The following INPP5A variants were observed in gnomAD, a reference collection of about 807,000 sequenced individuals.
INPP5A encodes the protein 43 kDa inositol polyphosphate 5-phophatase.
A neutral mutation model predicts 65.2 loss-of-function variants in INPP5A; 14 were observed. That is an observed-to-expected ratio of 0.21 (90% CI 0.14 to 0.34). INPP5A has a LOEUF of 0.34. Ranked by LOEUF, INPP5A falls within the 10% of genes least tolerant of loss-of-function variation. INPP5A has a pLI of 1.00. For missense variants in INPP5A, 431 were observed against 545.6 expected (o/e 0.79, Z 2.09); for synonymous variants, 207 against 208.3 (o/e 0.99, Z 0.05).
chr10:132,597,682 T>C (rs2071721582), intron 1 of INPP5A, among the ~76,000 whole-genome samples: 1 of 152,182 alleles, frequency 6.6e-6, no homozygotes, highest in African/African-American at 2.4e-5. Context: ...CAGTGTTTTG[T>C]CCTTTAGTGT....
intron 2 of INPP5A, among the ~76,000 whole-genome samples, chr10:132,620,518 T>C (rs145640840): frequency 1.3e-5 from 2 of 152,358 alleles, no homozygotes; most frequent in South Asian, 2.1e-4. Flanking sequence ...CATCACTCTT[T>C]GCTTCAAATT....
chr10:132,612,617 T>G (rs1168863214), intron 2 of INPP5A, among the ~76,000 whole-genome samples: 1 of 152,148 alleles, frequency 6.6e-6, no homozygotes, highest in East Asian at 1.9e-4. Flanking sequence ...CCGGTTCCCC[T>G]GCTGGTTTTG....
chr10:132,779,899 G>A (rs1017853093), intron 13 of INPP5A, among the ~76,000 whole-genome samples: 12 of 152,186 alleles, frequency 7.9e-5, no homozygotes, highest in African/African-American at 2.7e-4. Flanking sequence ...TGTGCCGCAC[G>A]CTGCCTGTGC....
At chr10:132,543,753 T>C (rs2133242835) in intron 1 of INPP5A, among the ~76,000 whole-genome samples, 1 of 152,286 alleles carries the variant, frequency 6.6e-6, no homozygotes, top group East Asian at 1.9e-4. Flanking sequence ...AATATTCCAT[T>C]GTGTGGATAC....
chr10:132,592,476 C>T (rs776006063), intron 1 of INPP5A, among the ~76,000 whole-genome samples: 2 of 152,166 alleles, frequency 1.3e-5, no homozygotes, highest in Non-Finnish European at 2.9e-5. Flanking sequence ...AGTGCAGTGG[C>T]ACGACCTCAG....
In INPP5A at chr10:132,782,374, C is replaced by T; in HGVS notation, c.*345C>T. ...TTAATGATTGCCAGTGGAGGGGCTT[C>T]TTCAGCACAGAGACCCCCCACTGTG... On this transcript the variant is annotated 3_prime_UTR_variant, in exon 16 of 16. Transcript: ENST00000368594. The surrounding 1 kb of genome is among the most constrained non-coding windows in gnomAD (Gnocchi z 4.4). 3.0e-6 allele frequency: 1 copy of T among 328,944 alleles called. No homozygotes were observed. The highest frequency in any genetic ancestry group is 5.9e-6 in the Non-Finnish European group (1 of 170,164). The allele number at this position is 328,944 out of a possible 1,614,324, so 20.4% of individuals were successfully genotyped here.
Position 132,706,038 on chromosome 10 carries a change from A to G in INPP5A, c.475-2275A>G, listed in dbSNP as rs1297300013. 2.0e-5 allele frequency among the ~76,000 whole-genome samples: 3 copies of G among 152,272 alleles called. No individual in the cohort carries two copies. The highest frequency in any genetic ancestry group is 4.4e-5 in the Non-Finnish European group (3 of 68,048). On this transcript the variant is annotated intron_variant, in intron 6 of 15. Coordinates refer to ENST00000368594, the MANE Select transcript of INPP5A (RefSeq NM_005539.5). This position sits in a 1 kb window ranked among gnomAD's most constrained non-coding sequence, Gnocchi z 4.7. ...AAAATGTTATTCAACTAAAACAGAA[A>G]TAAAACAAGAAAAGGGAATATGAAG...
rs1448911167 is a variant in INPP5A, at chr10:132,705,186, A to G, written c.475-3127A>G. Among the ~76,000 whole-genome samples, 1 of 152,168 alleles carries G rather than the reference A, an allele frequency of 6.6e-6. No homozygotes were observed. The highest frequency in any genetic ancestry group is 1.5e-5 in the Non-Finnish European group (1 of 68,010). ...CTCAGCTTCCCACTGATGTGTTTCC[A>G]TTGCAGACACAGTTACCGACAGGAA... is the stretch of plus-strand genomic sequence containing the variant. On this transcript the variant is annotated intron_variant, in intron 6 of 15. Coordinates refer to ENST00000368594, the MANE Select transcript of INPP5A (RefSeq NM_005539.5). The surrounding 1 kb of genome is among the most constrained non-coding windows in gnomAD (Gnocchi z 4.9).
At chr10:132,774,816 GGA>G (rs1170330484) in intron 12 of INPP5A, among the ~76,000 whole-genome samples, 4 of 141,880 alleles carry the variant, frequency 2.8e-5, no homozygotes, top group Non-Finnish European at 6.2e-5. Flanking sequence ...GGGGCAGGGA[GGA>G]GAGAGGGGCA....
intron 4 of INPP5A, among the ~76,000 whole-genome samples, chr10:132,670,551 T>C (rs2072876255): frequency 6.7e-6 from 1 of 149,858 alleles, no homozygotes; most frequent in Non-Finnish European, 1.5e-5. Flanking sequence ...GAGGACACTG[T>C]CAGCCCCTCC....
Position 132,689,075 on chromosome 10 carries a change from T to G in INPP5A, c.307-1317T>G, listed in dbSNP as rs1265617607. Among the ~76,000 whole-genome samples the G allele has an allele frequency of 2.6e-5, 4 of 152,250 alleles. No individual in the cohort carries two copies. The East Asian group carries it at 7.7e-4, about 29-fold the overall frequency. On this transcript the variant is annotated intron_variant, in intron 4 of 15. Transcript: ENST00000368594. ...TGTGGTGTGCATGTGTGTACATGAA[T>G]GTGCAAGAGTGTACAAGTGAAGCCT... is the stretch of plus-strand genomic sequence containing the variant.
intron 4 of INPP5A, among the ~76,000 whole-genome samples, chr10:132,680,238 C>T (rs1277814688): frequency 6.6e-6 from 1 of 152,152 alleles, no homozygotes; most frequent in Non-Finnish European, 1.5e-5. Flanking sequence ...ATATAGAGAA[C>T]TCCGAAAACT....
At chr10:132,596,953 ACACATGTG>A (rs2071707304) in intron 1 of INPP5A, among the ~76,000 whole-genome samples, 1 of 118,276 alleles carries the variant, frequency 8.5e-6, no homozygotes. Flanking sequence ...GCGTGTGTGC[ACACATGTG>A]TGCGTGTGTG....
rs1845544569 is a variant in INPP5A, at chr10:132,706,862, G to A, written c.475-1451G>A. On this transcript the variant is annotated intron_variant, in intron 6 of 15. Coordinates refer to ENST00000368594, the MANE Select transcript of INPP5A (RefSeq NM_005539.5). This position sits in a 1 kb window ranked among gnomAD's most constrained non-coding sequence, Gnocchi z 4.7. ...AGGAGACAGGGCTGCAGGAGCCACT[G>A]TGCTGCCAGGTGCCGCCAACAGGCC... Among the ~76,000 whole-genome samples the A allele has an allele frequency of 6.6e-6, 1 of 152,210 alleles. No homozygotes were observed. The highest frequency in any genetic ancestry group is 2.1e-4 in the South Asian group (1 of 4,830).
chr10:132,650,607 C>A lies in INPP5A; in HGVS notation c.306+102C>A. On this transcript the variant is annotated intron_variant, in intron 4 of 15. Transcript: ENST00000368594. This position sits in a 1 kb window ranked among gnomAD's most constrained non-coding sequence, Gnocchi z 5.5. ...TGGAGAGAGGTCGGGGTGCTCCCTG[C>A]CTGAAGCCTCACTCACGCTGCCCTG... 1.2e-6 allele frequency: 1 copy of A among 813,592 alleles called. No homozygotes were observed. Among genetic ancestry groups the A allele is most frequent in the Non-Finnish European group, 2.1e-6 (1 of 481,836 alleles). 50.4% of individuals were successfully genotyped at this position (813,592 alleles called of 1,614,324 possible). A position where few individuals can be genotyped will look rare whatever the true frequency, so the allele number is the denominator to read the frequency against.
rs1274749891 is a variant in INPP5A at position 132,651,996 on chromosome 10, ATGTAGCTCCTCC to A, written c.306+1495_306+1506del. 6.6e-6 allele frequency among the ~76,000 whole-genome samples: 1 copy of A among 151,984 alleles called. No individual in the cohort carries two copies. The highest frequency in any genetic ancestry group is 2.4e-5 in the African/African-American group (1 of 41,352). On this transcript the variant is annotated intron_variant, in intron 4 of 15. Coordinates refer to ENST00000368594, the MANE Select transcript of INPP5A (RefSeq NM_005539.5). This position sits in a 1 kb window ranked among gnomAD's most constrained non-coding sequence, Gnocchi z 5.0. Reference sequence around the variant, plus strand: ...CAAGGCCCTCACCCCTGTGCTCAGGATGTAGCTCCTCCTGTCAGCCTTCCTCCCTCTCCCCCT... The same window carrying A: ...CAAGGCCCTCACCCCTGTGCTCAGGATGTCAGCCTTCCTCCCTCTCCCCCT...
At chr10:132,540,088 A>C (rs982627416) in intron 1 of INPP5A, among the ~76,000 whole-genome samples, 1 of 152,196 alleles carries the variant, frequency 6.6e-6, no homozygotes, top group Admixed American at 6.5e-5. Flanking sequence ...TCACTATAGC[A>C]TGGTTTTGTT....
intron 8 of INPP5A, among the ~76,000 whole-genome samples, chr10:132,721,593 T>G (rs1845882113): frequency 6.6e-6 from 1 of 150,684 alleles, no homozygotes; most frequent in Non-Finnish European, 1.5e-5. Flanking sequence ...TTCAGGGTTC[T>G]GTGGTACCTG....
chr10:132,729,273 T>A lies in INPP5A; in HGVS notation c.732+2368T>A, dbSNP rs187031890. 4.6e-5 allele frequency among the ~76,000 whole-genome samples: 7 copies of A among 152,256 alleles called. No individual in the cohort carries two copies. In the East Asian group the frequency reaches 1.2e-3, roughly 25 times the overall value. On this transcript the variant is annotated intron_variant, in intron 9 of 15. Coordinates refer to ENST00000368594, the MANE Select transcript of INPP5A (RefSeq NM_005539.5). ...CGGGAGCCGGCCTGAGTCTGCCACA[T>A]CTTCTCCTGCATCACCTGGCCTGCT... is the stretch of plus-strand genomic sequence containing the variant.
Sources: allele counts gnomAD v4.1 joint callset (sites outside exome capture counted in the v4.1 genomes callset), GRCh38; gene constraint gnomAD v4.1.1; non-coding constraint Gnocchi (gnomAD v3.1); transcripts MANE v1.5; gene names NCBI Gene and HGNC (gene_info 2026-07-23, HGNC 2026-07-21).